The following RABGAP1L variants were observed in gnomAD, a reference collection of about 807,000 sequenced individuals.
The protein encoded by RABGAP1L is rab GTPase-activating protein 1-like.
In RABGAP1L, 63 loss-of-function variants were observed where a neutral mutation model predicts 137.7. That is an observed-to-expected ratio of 0.46 (90% CI 0.37 to 0.56). The LOEUF is 0.56. Among genes scored for constraint, RABGAP1L ranks in the 20% least tolerant of loss-of-function variants. The pLI, the probability that RABGAP1L is intolerant of heterozygous loss-of-function variation, is 0.00. For missense variants in RABGAP1L, 1,095 were observed against 1,244.0 expected (o/e 0.88, Z 1.80); for synonymous variants, 431 against 433.7 (o/e 0.99, Z 0.08).
intron 14 of RABGAP1L, among the ~76,000 whole-genome samples, chr1:174,676,679 G>T (rs1038215194): frequency 6.6e-6 from 1 of 152,162 alleles, no homozygotes; most frequent in African/African-American, 2.4e-5. Flanking sequence ...TTCTACTGAA[G>T]TGATAGCATG....
chr1:174,525,769 T>G (rs1224483800), intron 13 of RABGAP1L, among the ~76,000 whole-genome samples: 1 of 152,184 alleles, frequency 6.6e-6, no homozygotes, highest in Non-Finnish European at 1.5e-5. Flanking sequence ...AGCTATGGGT[T>G]TGTCATTTAT....
intron 13 of RABGAP1L, among the ~76,000 whole-genome samples, chr1:174,542,898 GCAGC>G (rs1558324588): frequency 6.6e-6 from 1 of 152,200 alleles, no homozygotes; most frequent in African/African-American, 2.4e-5. Context: ...ATGTAGTTGA[GCAGC>G]TTTGAGTGAG....
At chr1:174,556,881 T>C (rs1186538039) in intron 13 of RABGAP1L, among the ~76,000 whole-genome samples, 1 of 152,230 alleles carries the variant, frequency 6.6e-6, no homozygotes, top group East Asian at 1.9e-4. Context: ...TTCACATCTC[T>C]GAATTCTTCA....
intron 18 of RABGAP1L, among the ~76,000 whole-genome samples, chr1:174,811,234 G>A (rs1689842325): frequency 6.6e-6 from 1 of 152,040 alleles, no homozygotes; most frequent in Non-Finnish European, 1.5e-5. Flanking sequence ...AGTAAATTTG[G>A]TAAACAATAG....
At chr1:174,241,772 G>A (rs12136358) in intron 5 of RABGAP1L, 115 bp downstream of exon 5, 70,648 of 947,878 alleles carry the variant, frequency 0.075, 3,100 homozygotes, top group Non-Finnish European at 0.089. Flanking sequence ...TGTTTCTAAA[G>A]ACAAAATTAA....
At chr1:174,704,933 T>G (rs918408342) in intron 17 of RABGAP1L, among the ~76,000 whole-genome samples, 1 of 152,202 alleles carries the variant, frequency 6.6e-6, no homozygotes, top group African/African-American at 2.4e-5. Flanking sequence ...AAAGTTTTGA[T>G]AAATATTCAT....
chr1:174,252,220 T>G (rs559593862), intron 6 of RABGAP1L, among the ~76,000 whole-genome samples: 2 of 152,252 alleles, frequency 1.3e-5, no homozygotes, highest in South Asian at 4.1e-4. Context: ...AGATCTTGCT[T>G]TTAACTTTGG....
intron 11 of RABGAP1L, among the ~76,000 whole-genome samples, chr1:174,332,468 C>T (rs1681114324): frequency 6.6e-6 from 1 of 152,028 alleles, no homozygotes; most frequent in Non-Finnish European, 1.5e-5. Flanking sequence ...ATGATCTTGG[C>T]TGACTGCAAC....
chr1:174,195,149 C>T (rs1185135913), intron 1 of RABGAP1L, among the ~76,000 whole-genome samples: 1 of 152,136 alleles, frequency 6.6e-6, no homozygotes, highest in African/African-American at 2.4e-5. Context: ...ATGGGATTCT[C>T]AGATTTTGAT....
chr1:174,201,080 A>G (rs1668059714), intron 1 of RABGAP1L, among the ~76,000 whole-genome samples: 1 of 152,054 alleles, frequency 6.6e-6, no homozygotes, highest in South Asian at 2.1e-4. Flanking sequence ...TGCTCCTATC[A>G]TTATGGTAGT....
intron 13 of RABGAP1L, among the ~76,000 whole-genome samples, chr1:174,468,420 T>C (rs1350458986): frequency 6.6e-6 from 1 of 152,186 alleles, no homozygotes; most frequent in African/African-American, 2.4e-5. Flanking sequence ...TTTATTATAA[T>C]AATTCATCCT....
chr1:174,582,815 C>T (rs2148094399), intron 13 of RABGAP1L, among the ~76,000 whole-genome samples: 1 of 152,260 alleles, frequency 6.6e-6, no homozygotes, highest in East Asian at 1.9e-4. Context: ...TTATGCCTTA[C>T]TACTAGGACT....
intron 17 of RABGAP1L, among the ~76,000 whole-genome samples, chr1:174,733,095 T>C (rs1682635772): frequency 6.6e-6 from 1 of 152,184 alleles, no homozygotes; most frequent in Non-Finnish European, 1.5e-5. Flanking sequence ...CAAAGTTGAT[T>C]CAGACCTAGG....
intron 1 of RABGAP1L, among the ~76,000 whole-genome samples, chr1:174,174,591 G>GT (rs1297041915): frequency 6.6e-6 from 1 of 152,150 alleles, no homozygotes; most frequent in East Asian, 1.9e-4. Context: ...ATTGTATTAG[G>GT]TTGGTGCAAA....
intron 13 of RABGAP1L, among the ~76,000 whole-genome samples, chr1:174,611,655 C>T (rs1182856714): frequency 6.6e-6 from 1 of 150,972 alleles, no homozygotes; most frequent in Admixed American, 6.6e-5. Context: ...GCAGTATGGC[C>T]ATTTTCACGA....
At chr1:174,251,746 A>G (rs1672732091) in intron 6 of RABGAP1L, among the ~76,000 whole-genome samples, 1 of 152,188 alleles carries the variant, frequency 6.6e-6, no homozygotes, top group African/African-American at 2.4e-5. Context: ...GTCTAAAAGT[A>G]TGCTCTTCTC....
At chr1:174,511,672 G>C (rs906287807) in intron 13 of RABGAP1L, among the ~76,000 whole-genome samples, 2 of 151,172 alleles carry the variant, frequency 1.3e-5, no homozygotes, top group African/African-American at 4.9e-5. Context: ...GCCCAGGCTG[G>C]AGCGCAATGG....
intron 19 of RABGAP1L, among the ~76,000 whole-genome samples, chr1:174,945,135 T>C (rs1666527350): frequency 6.6e-6 from 1 of 152,220 alleles, no homozygotes; most frequent in African/African-American, 2.4e-5. Flanking sequence ...TAACTCACTC[T>C]GAATGCACAG....
chr1:174,501,900 T>C (rs1408018726), intron 13 of RABGAP1L, among the ~76,000 whole-genome samples: 2 of 143,896 alleles, frequency 1.4e-5, no homozygotes, highest in African/African-American at 5.9e-5. Flanking sequence ...ATTCTTAGGA[T>C]ACCTGTTTTT....
Sources: gnomAD v4.1 joint callset for allele counts (sites outside exome capture counted in the v4.1 genomes callset) on GRCh38, gnomAD v4.1.1 for gene constraint, MANE v1.5 for transcripts, NCBI Gene and HGNC (gene_info 2026-07-23, HGNC 2026-07-21) for gene names.